The following KCND2 variants were observed in gnomAD, a reference collection of about 807,000 sequenced individuals.
KCND2 encodes A-type voltage-gated potassium channel KCND2.
Under a neutral mutation model 54.4 loss-of-function variants are expected in KCND2, and 16 were observed. That is an observed-to-expected ratio of 0.29 (90% CI 0.20 to 0.45). The LOEUF is 0.45. KCND2 is among the 20% of genes least tolerant of loss of function. KCND2 has a pLI of 1.00. For missense variants in KCND2, 486 were observed against 824.2 expected, an observed-to-expected ratio of 0.59 and a Z score of 5.02; for synonymous variants, 317 against 310.7, an observed-to-expected ratio of 1.02 and a Z score of -0.21.
intron 1 of KCND2, among the ~76,000 whole-genome samples, chr7:120,310,776 A>G (rs1451626641): frequency 1.3e-5 from 2 of 151,972 alleles, no homozygotes; most frequent in Non-Finnish European, 1.5e-5. Context: ...ATCTGTACTA[A>G]AAATACAAAA....
chr7:120,510,784 G>GT (rs1259549061), intron 1 of KCND2, among the ~76,000 whole-genome samples: 2 of 151,934 alleles, frequency 1.3e-5, no homozygotes, highest in South Asian at 2.1e-4. Flanking sequence ...TTCCTAATCA[G>GT]TTTTTTCTAC....
chr7:120,351,406 A>ACT (rs1392140980), intron 1 of KCND2, among the ~76,000 whole-genome samples: 77 of 123,520 alleles, frequency 6.2e-4, no homozygotes, highest in South Asian at 2.0e-3. Context: ...ACACACACAC[A>ACT]CACACACTCT....
chr7:120,684,761 A>G (rs1027073891), intron 1 of KCND2, among the ~76,000 whole-genome samples: 2 of 152,160 alleles, frequency 1.3e-5, no homozygotes, highest in African/African-American at 4.8e-5. Context: ...ATATCACCTG[A>G]GTTTCACCTT....
chr7:120,556,298 T>C (rs577696024), intron 1 of KCND2, among the ~76,000 whole-genome samples: 43 of 152,260 alleles, frequency 2.8e-4, no homozygotes, highest in African/African-American at 1.0e-3. Flanking sequence ...TGAACAATCT[T>C]TGTATTAAGT....
chr7:120,560,254 T>C (rs1178731258), intron 1 of KCND2, among the ~76,000 whole-genome samples: 3 of 152,220 alleles, frequency 2.0e-5, no homozygotes, highest in Non-Finnish European at 4.4e-5. Context: ...TCATTTTTAT[T>C]ACACAAAAGC....
chr7:120,386,429 C>G (rs1342423423), intron 1 of KCND2, among the ~76,000 whole-genome samples: 1 of 152,074 alleles, frequency 6.6e-6, no homozygotes, highest in East Asian at 1.9e-4. Flanking sequence ...TATCTTGGAA[C>G]TCAACAGACA....
Position 120,426,782 on chromosome 7 carries a change from C to T in KCND2, c.1115+151035C>T, listed in dbSNP as rs148573495. The stretch of plus-strand genomic sequence containing the variant: ...GACTACACGCGCCTGCCACCATGCC[C>T]GGCTAATTTTTTGAATTTTTAGTAG... On this transcript the variant is annotated intron_variant, in intron 1 of 5. Transcript: ENST00000331113. Among the ~76,000 whole-genome samples the T allele has an allele frequency of 2.5e-3, 382 of 151,882 alleles. 9 individuals carry two copies. In the East Asian group the frequency reaches 0.057, roughly 23 times the overall value.
intron 1 of KCND2, among the ~76,000 whole-genome samples, chr7:120,511,267 C>T (rs140626432): frequency 8.5e-5 from 13 of 152,134 alleles, no homozygotes; most frequent in Admixed American, 5.2e-4. Flanking sequence ...CCTACCCACA[C>T]GAATTCTTAT....
chr7:120,482,543 A>T (rs973058076), intron 1 of KCND2, among the ~76,000 whole-genome samples: 5 of 152,192 alleles, frequency 3.3e-5, no homozygotes, highest in African/African-American at 7.2e-5. Flanking sequence ...AACAGTGTTG[A>T]AAAGTGGAAA....
chr7:120,503,691 C>G (rs573800288), intron 1 of KCND2, among the ~76,000 whole-genome samples: 2 of 152,054 alleles, frequency 1.3e-5, no homozygotes, highest in Non-Finnish European at 2.9e-5. Flanking sequence ...TTAGTTCCGT[C>G]TCGATCCCAG....
At chr7:120,447,804 T>C (rs989219838) in intron 1 of KCND2, among the ~76,000 whole-genome samples, 1 of 152,138 alleles carries the variant, frequency 6.6e-6, no homozygotes, top group Admixed American at 6.5e-5. Flanking sequence ...CAAATGGATA[T>C]GATTATATTT....
chr7:120,611,383 A>G (rs1230080322), intron 1 of KCND2, among the ~76,000 whole-genome samples: 2 of 152,220 alleles, frequency 1.3e-5, no homozygotes, highest in African/African-American at 4.8e-5. Context: ...GCTGCAGTGT[A>G]CAGTCTTAAT....
intron 2 of KCND2, among the ~76,000 whole-genome samples, chr7:120,738,743 C>T (rs1584902448): frequency 6.6e-6 from 1 of 152,106 alleles, no homozygotes; most frequent in Non-Finnish European, 1.5e-5. Context: ...TTCTTTTAAC[C>T]TCCCAATTAC....
chr7:120,505,857 T>C (rs1803007876), intron 1 of KCND2, among the ~76,000 whole-genome samples: 1 of 151,848 alleles, frequency 6.6e-6, no homozygotes, highest in South Asian at 2.1e-4. Flanking sequence ...TGGGTGCAAG[T>C]TGTTCTTATA....
chr7:120,747,733 C>A lies in KCND2; in HGVS notation c.1768C>A (p.Gln590Lys). ...MEECVKLNCEQPYVTTAIISI... is the reference protein window; with the variant it reads ...MEECVKLNCEKPYVTTAIISI... ...AGAGTGTGTTAAACTAAACTGTGAA[C>A]AACCTTATGTGACTACAGCAATAAT... The change falls in exon 6 of 6, where the codon CAA becomes AAA. Residue 590 changes from glutamine (Q) to lysine (K), a missense_variant. Physicochemically the swap from Gln to Lys is moderately conservative, Grantham distance 53. Around this residue, in one of 7 missense-constraint regions of KCND2, gnomAD observed 202 missense variants for 252.7 expected, o/e 0.80. Coordinates refer to ENST00000331113, the MANE Select transcript of KCND2 (RefSeq NM_012281.3). 6.2e-7 allele frequency: 1 copy of A among 1,612,652 alleles called. No individual in the cohort carries two copies. The highest frequency in any genetic ancestry group is 8.5e-7 in the Non-Finnish European group (1 of 1,179,016).
chr7:120,408,624 A>G (rs113294670), intron 1 of KCND2, among the ~76,000 whole-genome samples: 2,204 of 151,938 alleles, frequency 0.015, 35 homozygotes, highest in Non-Finnish European at 0.021. Flanking sequence ...TCAATTCAAA[A>G]TGGGACTTCC....
intron 4 of KCND2, among the ~76,000 whole-genome samples, chr7:120,744,155 G>A (rs755417522): frequency 9.9e-5 from 15 of 152,108 alleles, no homozygotes; most frequent in Non-Finnish European, 2.1e-4. Context: ...CCAGCTACTC[G>A]GGAGGCTGAG....
intron 1 of KCND2, among the ~76,000 whole-genome samples, chr7:120,362,179 A>G (rs10281014): frequency 0.029 from 4,479 of 152,194 alleles, 216 homozygotes; most frequent in African/African-American, 0.1. Context: ...AATCTTAAAG[A>G]ATGTTTTTCT....
intron 1 of KCND2, among the ~76,000 whole-genome samples, chr7:120,375,673 C>T (rs2116011728): frequency 6.6e-6 from 1 of 151,826 alleles, no homozygotes; most frequent in South Asian, 2.1e-4. Flanking sequence ...GCTAATGAAC[C>T]ATTCTCTGGC....
Sources: allele counts gnomAD v4.1 joint callset (sites outside exome capture counted in the v4.1 genomes callset), GRCh38; gene constraint gnomAD v4.1.1; regional missense constraint gnomAD v4.1.1; transcripts MANE v1.5; gene names NCBI Gene and HGNC (gene_info 2026-07-23, HGNC 2026-07-21).